GALNTL6: variants seen among roughly 807,000 people sequenced by gnomAD.
The protein encoded by GALNTL6 is polypeptide N-acetylgalactosaminyltransferase like 6, also known as polypeptide N-acetylgalactosaminyltransferase-like 6.
GALNTL6 carries 46 observed loss-of-function variants against 73.7 expected under a neutral mutation model. That is an observed-to-expected ratio of 0.62 (90% CI 0.49 to 0.80). GALNTL6 has a LOEUF of 0.80. Among genes scored for constraint, GALNTL6 ranks in the 30% least tolerant of loss-of-function variants. The probability of loss-of-function intolerance (pLI) is 0.00; values close to 1 mark genes in which losing one functional copy is unlikely to be tolerated. For synonymous variants in GALNTL6, 259 were observed against 263.7 expected (o/e 0.98, Z 0.17); for missense variants, 604 against 755.0 (o/e 0.80, Z 2.34).
intron 2 of GALNTL6, among the ~76,000 whole-genome samples, chr4:171,857,737 T>C (rs113753334): frequency 7.2e-5 from 11 of 152,332 alleles, no homozygotes; most frequent in Non-Finnish European, 1.5e-4. Flanking sequence ...AAGGCAATAT[T>C]ACTCTGTTGG....
In GALNTL6 at chr4:172,097,246, A is replaced by G. The variant is rs116833789; in HGVS notation, c.139-132410A>G. 9.8e-3 allele frequency among the ~76,000 whole-genome samples: 1,490 copies of G among 152,302 alleles called. 25 individuals are homozygous for G. Among genetic ancestry groups the G allele is most frequent in the African/African-American group, 0.033 (1,382 of 41,550 alleles). On this transcript the variant is annotated intron_variant, in intron 2 of 12. Coordinates refer to ENST00000506823, the MANE Select transcript of GALNTL6 (RefSeq NM_001034845.3). Reference sequence around the variant, plus strand: ...GGATAAATCAGCTCTTATATTCACTATAAACTTCTGAACTGGTTTTGAATG... The same window carrying G: ...GGATAAATCAGCTCTTATATTCACTGTAAACTTCTGAACTGGTTTTGAATG...
At chr4:172,418,049 G>A (rs1440400576) in intron 5 of GALNTL6, among the ~76,000 whole-genome samples, 1 of 152,098 alleles carries the variant, frequency 6.6e-6, no homozygotes, top group East Asian at 1.9e-4. Flanking sequence ...TGAACATTTT[G>A]TATAGTTTAC....
intron 8 of GALNTL6, among the ~76,000 whole-genome samples, chr4:172,884,807 G>A (rs575589861): frequency 2.1e-4 from 32 of 152,240 alleles, no homozygotes; most frequent in Admixed American, 1.0e-3. Context: ...CATGATGAAA[G>A]ACAAAGATCT....
intron 5 of GALNTL6, among the ~76,000 whole-genome samples, chr4:172,721,471 A>G (rs530143523): frequency 3.5e-4 from 53 of 152,366 alleles, no homozygotes; most frequent in African/African-American, 1.2e-3. Flanking sequence ...ATATTAATAT[A>G]GAAAGGAAGT....
intron 5 of GALNTL6, among the ~76,000 whole-genome samples, chr4:172,522,668 C>G (rs1037465667): frequency 3.5e-5 from 1 of 28,840 alleles, no homozygotes; most frequent in East Asian, 1.0e-3. Context: ...AACTCAGTCC[C>G]CCCCCCCCCC....
chr4:173,019,739 G>A (rs145223865), intron 11 of GALNTL6, among the ~76,000 whole-genome samples: 7 of 152,274 alleles, frequency 4.6e-5, no homozygotes, highest in African/African-American at 9.6e-5. Context: ...AACAGAGTAC[G>A]CAGTGGCCAT....
intron 8 of GALNTL6, among the ~76,000 whole-genome samples, chr4:172,900,763 T>C (rs1746587071): frequency 6.6e-6 from 1 of 152,198 alleles, no homozygotes; most frequent in Non-Finnish European, 1.5e-5. Context: ...ATGAATTCTT[T>C]AAGCTTAAAG....
rs766208245 is a variant in GALNTL6 at position 172,756,638 on chromosome 4, T to TA, written c.554-52710dup. ...CTACAGCCCGGCAACAGCGTGTGAC[T>TA]AAAAAAAAAAAAAGAAAGCAGATGT... On this transcript the variant is annotated intron_variant, in intron 5 of 12. Transcript: ENST00000506823. Among the ~76,000 whole-genome samples the TA allele has an allele frequency of 7.0e-3, 976 of 139,230 alleles. 12 individuals are homozygous for TA. The highest frequency in any genetic ancestry group is 0.021 in the African/African-American group (785 of 37,896). The allele number at this position is 139,230 out of a possible 152,430, so 91.3% of individuals were successfully genotyped here.
At chr4:172,586,050 C>A (rs545785653) in intron 5 of GALNTL6, among the ~76,000 whole-genome samples, 5 of 152,162 alleles carry the variant, frequency 3.3e-5, no homozygotes, top group Non-Finnish European at 7.4e-5. Flanking sequence ...AACACTTTTA[C>A]ACTGTTGGTA....
intron 5 of GALNTL6, among the ~76,000 whole-genome samples, chr4:172,585,556 T>C (rs904645932): frequency 1.3e-5 from 2 of 152,200 alleles, no homozygotes; most frequent in Admixed American, 6.5e-5. Flanking sequence ...GGTTTCCAGC[T>C]TCATTCATGT....
At chr4:172,628,524 G>A (rs1739258584) in intron 5 of GALNTL6, among the ~76,000 whole-genome samples, 1 of 152,008 alleles carries the variant, frequency 6.6e-6, no homozygotes, top group South Asian at 2.1e-4. Flanking sequence ...TTGAGCTCAG[G>A]CATTCAAGAC....
chr4:172,860,799 C>T (rs1744355408), intron 7 of GALNTL6, among the ~76,000 whole-genome samples: 1 of 152,160 alleles, frequency 6.6e-6, no homozygotes, highest in Non-Finnish European at 1.5e-5. Context: ...AAATCACTGG[C>T]ATCCTACTCA....
intron 2 of GALNTL6, among the ~76,000 whole-genome samples, chr4:171,895,779 C>G (rs1222422652): frequency 6.6e-6 from 1 of 152,034 alleles, no homozygotes; most frequent in Non-Finnish European, 1.5e-5. Context: ...TTTAAAGTCA[C>G]TATTTTGACC....
chr4:172,705,291 T>G (rs1734277257), intron 5 of GALNTL6, among the ~76,000 whole-genome samples: 1 of 151,812 alleles, frequency 6.6e-6, no homozygotes, highest in Non-Finnish European at 1.5e-5. Flanking sequence ...AGTTATTTTT[T>G]CTGGTAGTAT....
intron 2 of GALNTL6, among the ~76,000 whole-genome samples, chr4:171,927,832 T>C (rs186990633): frequency 2.0e-5 from 3 of 152,226 alleles, no homozygotes; most frequent in African/African-American, 7.2e-5. Flanking sequence ...GTCTCTCTCA[T>C]GTCATTCAGA....
chr4:172,449,956 C>T (rs1042438507), intron 5 of GALNTL6, among the ~76,000 whole-genome samples: 4 of 152,166 alleles, frequency 2.6e-5, no homozygotes, highest in African/African-American at 9.7e-5. Flanking sequence ...CTGTGGCTCA[C>T]ACCTGTCATC....
At chr4:172,390,741 T>C (rs920671959) in intron 5 of GALNTL6, among the ~76,000 whole-genome samples, 2 of 152,206 alleles carry the variant, frequency 1.3e-5, no homozygotes, top group African/African-American at 4.8e-5. Flanking sequence ...AAGTATGACG[T>C]AAAATGCGAT....
chr4:172,005,516 TATC>T (rs2110768153), intron 2 of GALNTL6, among the ~76,000 whole-genome samples: 1 of 152,234 alleles, frequency 6.6e-6, no homozygotes, highest in Non-Finnish European at 1.5e-5. Flanking sequence ...ATGAACTAGT[TATC>T]ATTTACTAAC....
intron 2 of GALNTL6, among the ~76,000 whole-genome samples, chr4:171,853,857 C>T (rs1735603012): frequency 1.3e-5 from 2 of 151,970 alleles, no homozygotes; most frequent in South Asian, 4.1e-4. Context: ...GTTGATACAC[C>T]CACATCGGCC....
Sources: allele counts gnomAD v4.1 joint callset (sites outside exome capture counted in the v4.1 genomes callset), GRCh38; gene constraint gnomAD v4.1.1; transcripts MANE v1.5; gene names NCBI Gene and HGNC (gene_info 2026-07-23, HGNC 2026-07-21).